The following IDH3B variants were observed in gnomAD, a reference collection of about 807,000 sequenced individuals.
The protein encoded by IDH3B is isocitrate dehydrogenase (NAD(+)) 3 non-catalytic subunit beta, also known as isocitrate dehydrogenase [NAD] subunit beta, mitochondrial.
In IDH3B, 40 loss-of-function variants were observed where a neutral mutation model predicts 47.5. The observed-to-expected ratio is 0.84, with a 90% confidence interval of 0.65 to 1.10. The LOEUF is 1.10. Ranked by LOEUF, IDH3B falls within the 50% of genes least tolerant of loss-of-function variation. IDH3B has a pLI of 0.00. For synonymous variants in IDH3B, 185 were observed against 191.0 expected (o/e 0.97, Z 0.26); for missense variants, 450 against 505.2 (o/e 0.89, Z 1.05).
In IDH3B at chr20:2,661,343, T is replaced by C. The variant is rs532693972; in HGVS notation, c.338-374A>G. Among the ~76,000 whole-genome samples, 156 of 152,308 alleles carry C rather than the reference T, an allele frequency of 1.0e-3. 1 individual carries two copies. Among genetic ancestry groups the C allele is most frequent in the South Asian group, 4.1e-4 (2 of 4,826 alleles). ...TCCCCAGTAGCTGGGATTACAGGCA[T>C]GTGCCACCACACCTGGCTAATTTTT... On this transcript the variant is annotated intron_variant, in intron 4 of 11. Coordinates refer to ENST00000380843, the MANE Select transcript of IDH3B (RefSeq NM_006899.5).
rs1358640298 is a variant in IDH3B at position 2,663,830 on chromosome 20, T to C, written c.118-72A>G. On this transcript the variant is annotated intron_variant, in intron 2 of 11. Coordinates refer to ENST00000380843, the MANE Select transcript of IDH3B (RefSeq NM_006899.5). ...AGCACGGATCCTGGGAGTAGAGAAG[T>C]AGGGAGACCCGGGAGGGGTGGGGAA... The C allele has an allele frequency of 4.4e-6, 7 of 1,593,228 alleles. No individual in the cohort carries two copies. The East Asian group carries it at 1.3e-4, about 31-fold the overall frequency.
intron 4 of IDH3B, 104 bp downstream of exon 4, chr20:2,663,342 T>C: frequency 1.5e-6 from 2 of 1,362,154 alleles, no homozygotes; most frequent in Non-Finnish European, 2.1e-6. Flanking sequence ...GTGGTTGCCC[T>C]GGAGTTAATA....
intron 11 of IDH3B, chr20:2,659,122 AAT>A (rs1464809166): frequency 7.0e-7 from 1 of 1,435,312 alleles, no homozygotes; most frequent in Non-Finnish European, 9.1e-7. Flanking sequence ...CCTTGGAAGA[AAT>A]AGAGACAAGA....
At chr20:2,664,076 T>C in intron 1 of IDH3B, 71 bp from the exon 2 acceptor site, 1 of 1,610,050 alleles carries the variant, frequency 6.2e-7, no homozygotes, top group Non-Finnish European at 8.5e-7. Flanking sequence ...ACAGTTGACT[T>C]TGCCCTGTTT....
chr20:2,660,625 G>A lies in IDH3B; in HGVS notation c.532-35C>T, dbSNP rs1021999441. ...AAGAAAGCAGCAGCTAGGTGACACTGGGAAGGGAAACAAGGAGCTCCACCT... is the reference window on the plus strand; with the variant it reads ...AAGAAAGCAGCAGCTAGGTGACACTAGGAAGGGAAACAAGGAGCTCCACCT... On this transcript the variant is annotated intron_variant, in intron 6 of 11. Coordinates refer to ENST00000380843, the MANE Select transcript of IDH3B (RefSeq NM_006899.5). This position sits in a 1 kb window ranked among gnomAD's most constrained non-coding sequence, Gnocchi z 5.6. 7 of 1,613,980 alleles carry A rather than the reference G, an allele frequency of 4.3e-6. No homozygotes were observed. Among genetic ancestry groups the A allele is most frequent in the Non-Finnish European group, 5.9e-6 (7 of 1,180,024 alleles).
At chr20:2,662,009 T>C (rs911537411) in intron 4 of IDH3B, among the ~76,000 whole-genome samples, 1 of 149,688 alleles carries the variant, frequency 6.7e-6, no homozygotes, top group Admixed American at 6.6e-5. Context: ...GATATTGGAG[T>C]GATGCATCTA....
At chr20:2,664,077 T>C in intron 1 of IDH3B, 72 bp from the exon 2 acceptor site, 3 of 1,610,284 alleles carry the variant, frequency 1.9e-6, no homozygotes, top group South Asian at 2.2e-5. Context: ...CAGTTGACTT[T>C]GCCCTGTTTA....
rs1448249351 is a variant in IDH3B, at chr20:2,658,525, G to A, written c.*226C>T. The A allele has an allele frequency of 6.8e-6, 11 of 1,613,818 alleles. No homozygotes were observed. Among genetic ancestry groups the A allele is most frequent in the Non-Finnish European group, 9.3e-6 (11 of 1,179,940 alleles). ...CCACCCATGTCAGAGGTTCGAACCTGTGGGGGAGAATCATCATCATCCATG... is the reference window on the plus strand; with the variant it reads ...CCACCCATGTCAGAGGTTCGAACCTATGGGGGAGAATCATCATCATCCATG... On this transcript the variant is annotated 3_prime_UTR_variant, in exon 12 of 12. Coordinates refer to ENST00000380843, the MANE Select transcript of IDH3B (RefSeq NM_006899.5).
At position 2,660,030 on chromosome 20, in the gene IDH3B, C is replaced by T. The variant is rs758891772; in HGVS notation, c.915G>A (p.Thr305=). The part of the protein sequence containing the change: ...SYSAEYAVFE[T]GARHPFAQAV... ...GGGCCGAGGGAGAAAGCAGCCTCAC[C>T]GTCTCAAAGACTGCGTATTCTGCAC... is the stretch of plus-strand genomic sequence containing the variant. The change falls in exon 9 of 12, where the codon ACG becomes ACA. Residue 305 remains threonine (T), a splice_region_variant and synonymous_variant. Coordinates refer to ENST00000380843, the MANE Select transcript of IDH3B (RefSeq NM_006899.5). This position sits in a 1 kb window ranked among gnomAD's most constrained non-coding sequence, Gnocchi z 5.6. 1 of 1,613,992 alleles carries T rather than the reference C, an allele frequency of 6.2e-7. No homozygotes were observed. Among genetic ancestry groups the T allele is most frequent in the South Asian group, 1.1e-5 (1 of 91,082 alleles).
intron 4 of IDH3B, 41 bp from the exon 5 acceptor site, chr20:2,661,010 C>A: frequency 6.3e-7 from 1 of 1,587,654 alleles, no homozygotes; most frequent in Non-Finnish European, 8.6e-7. Context: ...AGCCACAGGC[C>A]AAGCCCAAGG....
chr20:2,659,559 G>A lies in IDH3B; in HGVS notation c.1037C>T (p.Ala346Val), dbSNP rs2086898047. ...TTTGATCACCTTCTTCACCGCATCT[G>A]CGATCATGCTGGAGTGATACTCAAG... ...LNLEYHSSMI[A>V]DAVKKVIKVG... The change falls in exon 11 of 12, where the codon GCA (alanine) becomes GTA (valine). Residue 346 changes from alanine (A) to valine (V), a missense_variant. Physicochemically the swap from Ala to Val is moderately conservative, Grantham distance 64. Transcript: ENST00000380843. The A allele has an allele frequency of 6.2e-7, 1 of 1,614,112 alleles. No homozygotes were observed. The highest frequency in any genetic ancestry group is 1.3e-5 in the African/African-American group (1 of 74,940).
chr20:2,663,369 G>A, intron 4 of IDH3B, 77 bp downstream of exon 4: 7 of 1,527,648 alleles, frequency 4.6e-6, no homozygotes, highest in Middle Eastern at 1.7e-4. Context: ...CATAGCATGT[G>A]GGGAGAAGGG....
At chr20:2,661,074 A>C in intron 4 of IDH3B, 105 bp from the exon 5 acceptor site, 1 of 914,722 alleles carries the variant, frequency 1.1e-6, no homozygotes, top group Non-Finnish European at 1.8e-6. Flanking sequence ...CCAGACTCCC[A>C]TCTCCCATTC....
In IDH3B at chr20:2,659,128, G is replaced by C. The variant is rs1178120378; in HGVS notation, c.1072-291C>G. ...GGCTACCTTCCTTGGAAGAAATAGA[G>C]ACAAGACCAGGTGGAAGGAAAGAAT... On this transcript the variant is annotated intron_variant, in intron 11 of 11. Coordinates refer to ENST00000380843, the MANE Select transcript of IDH3B (RefSeq NM_006899.5). 3 of 1,435,120 alleles carry C rather than the reference G, an allele frequency of 2.1e-6. No individual in the cohort carries two copies. The African/African-American group carries it at 4.3e-5, about 21-fold the overall frequency. The allele number at this position is 1,435,120 out of a possible 1,614,324, so 88.9% of individuals were successfully genotyped here. A position where few individuals can be genotyped will look rare whatever the true frequency, so the allele number is the denominator to read the frequency against.
At chr20:2,663,050 C>T (rs899038126) in intron 4 of IDH3B, among the ~76,000 whole-genome samples, 1 of 151,778 alleles carries the variant, frequency 6.6e-6, no homozygotes, top group Non-Finnish European at 1.5e-5. Context: ...TTGCTTGAAC[C>T]AGGGACGGGG....
At chr20:2,663,416 C>T in intron 4 of IDH3B, 30 bp downstream of exon 4, 1 of 1,613,686 alleles carries the variant, frequency 6.2e-7, no homozygotes, top group South Asian at 1.1e-5. Context: ...TTAAATGGCA[C>T]ATGGACAAGT....
rs540116039 is a variant in IDH3B at position 2,664,053 on chromosome 20, G to C, written c.37-48C>G. 29 of 1,611,318 alleles carry C rather than the reference G, an allele frequency of 1.8e-5. No homozygotes were observed. The African/African-American group carries it at 2.4e-4, about 13-fold the overall frequency. On this transcript the variant is annotated intron_variant, in intron 1 of 11. Transcript: ENST00000380843. ...TGTAAGGTCAGCTTTGAGACATCCAGACCCCGAACACTACAGTTGACTTTG... is the reference window on the plus strand; with the variant it reads ...TGTAAGGTCAGCTTTGAGACATCCACACCCCGAACACTACAGTTGACTTTG...
rs1360163081 is a variant in IDH3B, at chr20:2,660,072, G to C, written c.873C>G (p.Val291=). 6.2e-7 allele frequency: 1 copy of C among 1,613,878 alleles called. No individual in the cohort carries two copies. Among genetic ancestry groups the C allele is most frequent in the African/African-American group, 1.3e-5 (1 of 74,844 alleles). Residue 291 remains valine, a synonymous_variant, in exon 9 of 12, where the codon GTC becomes GTG. Transcript: ENST00000380843. The surrounding 1 kb of genome is among the most constrained non-coding windows in gnomAD (Gnocchi z 5.6). ...AAGLVGGAGV[V]PGESYSAEYA... is the part of the protein sequence containing the mutation. ...ATTCTGCACTATAGCTCTCACCAGGGACCACACCAGCTCCCCCAACCAGGC... is the reference window on the plus strand; with the variant it reads ...ATTCTGCACTATAGCTCTCACCAGGCACCACACCAGCTCCCCCAACCAGGC...
At chr20:2,661,049 G>C (rs1195054354) in intron 4 of IDH3B, 80 bp from the exon 5 acceptor site, 2 of 1,187,850 alleles carry the variant, frequency 1.7e-6, no homozygotes, top group East Asian at 4.7e-5. Context: ...AACCCCCTTA[G>C]GAACATCATG....
Sources: allele counts gnomAD v4.1 joint callset (sites outside exome capture counted in the v4.1 genomes callset), GRCh38; gene constraint gnomAD v4.1.1; non-coding constraint Gnocchi (gnomAD v3.1); transcripts MANE v1.5; gene names NCBI Gene and HGNC (gene_info 2026-07-23, HGNC 2026-07-21).